DOCK3: variants seen among roughly 807,000 people sequenced by gnomAD.
DOCK3 encodes the protein dedicator of cytokinesis protein 3.
DOCK3 carries 60 observed loss-of-function variants against 265.6 expected under a neutral mutation model. That is an observed-to-expected ratio of 0.23 (90% CI 0.18 to 0.28). The LOEUF (loss-of-function observed/expected upper bound fraction) is 0.28, where lower values mean the gene tolerates loss of function less well. DOCK3 is among the 10% of genes least tolerant of loss of function. DOCK3 has a pLI of 1.00. For missense variants in DOCK3, 1,981 were observed against 2,594.3 expected (o/e 0.76, Z 5.14); for synonymous variants, 881 against 938.0 (o/e 0.94, Z 1.11).
In DOCK3 at chr3:51,374,500, T is replaced by C. The variant is rs941247848; in HGVS notation, c.5325T>C (p.His1775=). The change falls in exon 50 of 53, where the codon CAT becomes CAC. Residue 1775 remains histidine, a synonymous_variant. Transcript: ENST00000266037. This position sits in a 1 kb window ranked among gnomAD's most constrained non-coding sequence, Gnocchi z 4.8. ...CCTCTCTGCCAGATAAGTACCGCCA[T>C]GCCCGTGAAATGATGTTGTTGCTGC... ...GSPSLPDKYR[H]AREMMLLLPT... is the part of the protein sequence containing the mutation. The C allele has an allele frequency of 9.3e-6, 15 of 1,613,698 alleles. No homozygotes were observed. The highest frequency in any genetic ancestry group is 2.5e-6 in the Non-Finnish European group (3 of 1,179,844).
intron 1 of DOCK3, among the ~76,000 whole-genome samples, chr3:50,677,123 T>C (rs560773871): frequency 9.5e-4 from 145 of 152,350 alleles, no homozygotes; most frequent in African/African-American, 3.4e-3. Context: ...GGCCACAGCA[T>C]TGGGCTCAGG....
rs752364471 is a variant in DOCK3 at position 51,237,622 on chromosome 3, C to T, written c.2102+32C>T. ...TCCATTTGGTATCATCATTAGGACT[C>T]GTGTTTGAGTAGAAATATAGGCTTT... On this transcript the variant is annotated intron_variant, in intron 21 of 52. Coordinates refer to ENST00000266037, the MANE Select transcript of DOCK3 (RefSeq NM_004947.5). The T allele has an allele frequency of 1.3e-5, 21 of 1,574,486 alleles. No homozygotes were observed. In the African/African-American group the frequency reaches 1.6e-4, roughly 12 times the overall value.
intron 9 of DOCK3, among the ~76,000 whole-genome samples, chr3:51,122,982 A>G (rs1289916372): frequency 6.6e-6 from 1 of 152,194 alleles, no homozygotes; most frequent in African/African-American, 2.4e-5. Flanking sequence ...CCAGATTAAA[A>G]ACTGTCCTTT....
In DOCK3 at chr3:51,164,554, G is replaced by A. The variant is rs1446786582; in HGVS notation, c.1037+3852G>A. ...CAGGAGAATGGCGTGAACCCGGGAG[G>A]CAGAACTTGTAGTGAGCTGAGATGG... On this transcript the variant is annotated intron_variant, in intron 12 of 52. Transcript: ENST00000266037. Among the ~76,000 whole-genome samples the A allele has an allele frequency of 3.9e-4, 58 of 148,166 alleles. No individual in the cohort carries two copies. In the Admixed American group the frequency reaches 4.0e-3, roughly 10 times the overall value.
intron 5 of DOCK3, among the ~76,000 whole-genome samples, chr3:50,962,868 T>G (rs1048112980): frequency 6.6e-6 from 1 of 152,210 alleles, no homozygotes; most frequent in Non-Finnish European, 1.5e-5. Flanking sequence ...CGATTTTAAA[T>G]GCAATAATTA....
chr3:51,220,078 A>G (rs144982894), intron 14 of DOCK3, among the ~76,000 whole-genome samples: 128 of 152,194 alleles, frequency 8.4e-4, no homozygotes, highest in African/African-American at 2.9e-3. Flanking sequence ...TCCTCTCAAG[A>G]GCCTTTTTTT....
rs782349815 is a variant in DOCK3 at position 51,381,509 on chromosome 3, A to G, written c.6043A>G (p.Lys2015Glu). Residue 2015 changes from lysine (K) to glutamate (E), a missense_variant, in exon 53 of 53, where the codon AAG becomes GAG. Around this residue, in one of 4 missense-constraint regions of DOCK3, gnomAD observed 149 missense variants for 144.7 expected, o/e 1.03. Coordinates refer to ENST00000266037, the MANE Select transcript of DOCK3 (RefSeq NM_004947.5). This position sits in a 1 kb window ranked among gnomAD's most constrained non-coding sequence, Gnocchi z 5.6. ...GGCTCCATTGCCTCCTGGGAGCGCT[A>G]AGGAGGAGCAGGCCCGCATGGCCTG... ...RKAPLPPGSA[K>E]EEQARMAWEH... 6.9e-5 allele frequency: 109 copies of G among 1,579,766 alleles called. No individual in the cohort carries two copies. Among genetic ancestry groups the G allele is most frequent in the South Asian group, 1.0e-4 (9 of 86,978 alleles).
At chr3:51,088,364 G>A (rs2109534099) in intron 7 of DOCK3, among the ~76,000 whole-genome samples, 1 of 152,236 alleles carries the variant, frequency 6.6e-6, no homozygotes, top group Admixed American at 6.5e-5. Flanking sequence ...TGGGGTGAGT[G>A]TAGTTAACAG....
At chr3:51,294,677 C>CAAAAAAAAAAAAAAAAAAAAAAAA (rs59339067) in intron 27 of DOCK3, among the ~76,000 whole-genome samples, 4 of 119,860 alleles carry the variant, frequency 3.3e-5, no homozygotes, top group African/African-American at 1.3e-4. Context: ...GACTCTATCT[C>CAAAAAAAAAAAAAAAAAAAAAAAA]AAAAAAAAAA....
chr3:50,813,973 A>G (rs535082599), intron 2 of DOCK3, among the ~76,000 whole-genome samples: 13 of 152,282 alleles, frequency 8.5e-5, no homozygotes, highest in African/African-American at 2.6e-4. Flanking sequence ...ACTAAGTGCA[A>G]TGTATCTGGG....
intron 5 of DOCK3, among the ~76,000 whole-genome samples, chr3:50,956,208 T>C (rs547332496): frequency 5.4e-4 from 82 of 152,328 alleles, no homozygotes; most frequent in African/African-American, 1.9e-3. Context: ...ATAGAAGATA[T>C]TTTAGAGAAA....
rs186858184 is a variant in DOCK3 at position 51,047,230 on chromosome 3, T to A, written c.316-17218T>A. ...ACAATGAGAACACTTGGACACAGGA[T>A]GGGGAACATCACACAGGGGCCTGTC... On this transcript the variant is annotated intron_variant, in intron 5 of 52. Transcript: ENST00000266037. 3.7e-3 allele frequency among the ~76,000 whole-genome samples: 394 copies of A among 107,458 alleles called. 1 individual carries two copies. The highest frequency in any genetic ancestry group is 0.014 in the African/African-American group (377 of 26,310). 70.5% of individuals were successfully genotyped at this position (107,458 alleles called of 152,430 possible). A position where few individuals can be genotyped will look rare whatever the true frequency, so the allele number is the denominator to read the frequency against.
At chr3:51,276,245 A>G (rs752874563) in intron 25 of DOCK3, 245 of 430,608 alleles carry the variant, frequency 5.7e-4, no homozygotes, top group Non-Finnish European at 7.0e-4. Context: ...TATGATGGTG[A>G]TAATGGCCCT....
chr3:51,356,577 A>G (rs1333929272), intron 43 of DOCK3, 84 bp downstream of exon 43: 2 of 1,425,896 alleles, frequency 1.4e-6, no homozygotes, highest in Non-Finnish European at 1.9e-6. Context: ...GGACTAAAGA[A>G]AAAGAGAGCG....
intron 5 of DOCK3, among the ~76,000 whole-genome samples, chr3:51,058,769 C>T (rs770252728): frequency 2.0e-5 from 3 of 151,882 alleles, no homozygotes; most frequent in Non-Finnish European, 4.4e-5. Context: ...CTTGCTATGG[C>T]TTCACATGGG....
At chr3:50,891,887 C>A (rs1348188799) in intron 4 of DOCK3, among the ~76,000 whole-genome samples, 1 of 152,024 alleles carries the variant, frequency 6.6e-6, no homozygotes, top group Non-Finnish European at 1.5e-5. Flanking sequence ...CATTGGGGAG[C>A]ACTTTGCTAG....
intron 9 of DOCK3, among the ~76,000 whole-genome samples, chr3:51,096,688 G>A (rs1256819020): frequency 2.6e-5 from 4 of 152,176 alleles, no homozygotes; most frequent in Non-Finnish European, 1.5e-5. Flanking sequence ...TTGCCTTGCT[G>A]GTGAGGAGTT....
chr3:51,252,798 T>C (rs1452073486), intron 22 of DOCK3, among the ~76,000 whole-genome samples: 1 of 152,228 alleles, frequency 6.6e-6, no homozygotes, highest in Non-Finnish European at 1.5e-5. Context: ...TACAATCATG[T>C]CGTCTGCAAA....
intron 5 of DOCK3, among the ~76,000 whole-genome samples, chr3:51,025,804 A>G (rs1410733625): frequency 6.6e-6 from 1 of 152,080 alleles, no homozygotes; most frequent in Non-Finnish European, 1.5e-5. Flanking sequence ...TGTTGCTTCT[A>G]CTTTTATATT....
Sources: gnomAD v4.1 joint callset for allele counts (sites outside exome capture counted in the v4.1 genomes callset) on GRCh38, gnomAD v4.1.1 for gene constraint, gnomAD v4.1.1 regional missense constraint, Gnocchi (gnomAD v3.1) non-coding constraint, MANE v1.5 for transcripts, NCBI Gene and HGNC (gene_info 2026-07-23, HGNC 2026-07-21) for gene names.